MUC22: variants seen among roughly 807,000 people sequenced by gnomAD.
MUC22 encodes mucin 22, also known as mucin-22.
Under a neutral mutation model 40.3 loss-of-function variants are expected in MUC22, and 24 were observed. The ratio of observed to expected loss-of-function variants is 0.60; its 90% confidence interval spans 0.43 to 0.84. MUC22 has a LOEUF of 0.84. MUC22 is among the 40% of genes least tolerant of loss of function. The pLI is 0.00. For synonymous variants in MUC22, 765 were observed against 844.5 expected, an observed-to-expected ratio of 0.91 and a Z score of 1.63; for missense variants, 1,926 against 2,130.7, an observed-to-expected ratio of 0.90 and a Z score of 1.89.
intron 1 of MUC22, among the ~76,000 whole-genome samples, chr6:31,022,313 C>T (rs1179014764): frequency 6.6e-6 from 1 of 152,102 alleles, no homozygotes; most frequent in Non-Finnish European, 1.5e-5. Flanking sequence ...ATGTAATTAG[C>T]CACACCATGC....
At chr6:31,027,611 C>G (rs1255272357) in exon 2 of MUC22, 20 of 1,527,074 alleles carry the variant, frequency 1.3e-5, no homozygotes, top group Non-Finnish European at 1.6e-5. Context: ...GAGACCAAAA[C>G]AGCCTATACT....
At position 31,026,819 on chromosome 6, in the gene MUC22, G is replaced by A; in HGVS notation, c.1388G>A (p.Gly463Asp). Residue 463 changes from glycine (G) to aspartate (D), a missense_variant, in exon 2 of 4, where the codon GGC (glycine) becomes GAC (aspartate). Around this residue, in one of 3 missense-constraint regions of MUC22, gnomAD observed 1,281 missense variants for 1,337.8 expected, o/e 0.96. Transcript: ENST00000561890. ...GAGACCACTACAGTCTCCACCACAG[G>A]CTCTGAGACCACAACAGCCTCTACT... The A allele has an allele frequency of 2.0e-6, 3 of 1,497,048 alleles. No homozygotes were observed. The highest frequency in any genetic ancestry group is 2.7e-6 in the Non-Finnish European group (3 of 1,119,768). 92.7% of individuals were successfully genotyped at this position (1,497,048 alleles called of 1,614,324 possible).
intron 1 of MUC22, among the ~76,000 whole-genome samples, chr6:31,022,648 C>T (rs1413195964): frequency 3.3e-5 from 5 of 151,888 alleles, no homozygotes; most frequent in African/African-American, 4.8e-5. Flanking sequence ...TGTATGACAA[C>T]AGTGGTACAA....
At chr6:31,020,441 C>CTTT (rs3084519) in intron 1 of MUC22, among the ~76,000 whole-genome samples, 18,027 of 126,396 alleles carry the variant, frequency 0.14, 1,728 homozygotes, top group African/African-American at 0.18. Context: ...TGGAAATTGA[C>CTTT]TTTTTTTTTT....
chr6:31,015,013 T>C (rs1764095130), intron 1 of MUC22, among the ~76,000 whole-genome samples: 1 of 152,148 alleles, frequency 6.6e-6, no homozygotes, highest in Non-Finnish European at 1.5e-5. Flanking sequence ...ATTGGGTTTC[T>C]GTGGGAAAGG....
At chr6:31,029,314 A>T (rs1562617066) in exon 2 of MUC22, 12 of 1,527,986 alleles carry the variant, frequency 7.9e-6, no homozygotes, top group Non-Finnish European at 1.1e-5. Context: ...AGGTTCTGAG[A>T]CCACAGCAGT....
At chr6:31,030,317 A>G (rs920220073) in intron 2 of MUC22, among the ~76,000 whole-genome samples, 1 of 152,170 alleles carries the variant, frequency 6.6e-6, no homozygotes, top group Non-Finnish European at 1.5e-5. Flanking sequence ...GGAGATTGAG[A>G]CCATCCTGGC....
intron 1 of MUC22, among the ~76,000 whole-genome samples, chr6:31,012,668 G>A (rs1434597758): frequency 2.0e-5 from 3 of 152,122 alleles, no homozygotes; most frequent in Non-Finnish European, 4.4e-5. Flanking sequence ...AAGTGTGCAA[G>A]GGCTGAAAGG....
chr6:31,031,544 G>A (rs575445887), intron 2 of MUC22, among the ~76,000 whole-genome samples: 6 of 152,206 alleles, frequency 3.9e-5, no homozygotes, highest in African/African-American at 7.2e-5. Flanking sequence ...AAGTTATTGG[G>A]ATGCAGGTGG....
At chr6:31,033,742 C>T (rs11964623) in intron 3 of MUC22, among the ~76,000 whole-genome samples, 39,638 of 152,070 alleles carry the variant, frequency 0.26, 5,451 homozygotes, top group African/African-American at 0.34. Context: ...TACACCACAG[C>T]AATTGTCAAA....
chr6:31,015,184 A>G (rs1764107383), intron 1 of MUC22, among the ~76,000 whole-genome samples: 1 of 152,054 alleles, frequency 6.6e-6, no homozygotes, highest in African/African-American at 2.4e-5. Context: ...CAGATAGAGG[A>G]GCTATGGCTC....
chr6:31,017,017 A>G (rs557834093), intron 1 of MUC22, among the ~76,000 whole-genome samples: 2 of 152,122 alleles, frequency 1.3e-5, no homozygotes, highest in African/African-American at 4.8e-5. Context: ...TTCTCGCCGG[A>G]CCTCAGCTGC....
At chr6:31,026,842 A>G (rs2150787700) in exon 2 of MUC22, 1 of 1,491,358 alleles carries the variant, frequency 6.7e-7, no homozygotes. Flanking sequence ...AACAGCCTCT[A>G]CTGCACATTC....
intron 1 of MUC22, among the ~76,000 whole-genome samples, chr6:31,014,641 C>T (rs548417029): frequency 3.3e-5 from 5 of 152,054 alleles, no homozygotes; most frequent in Non-Finnish European, 5.9e-5. Flanking sequence ...AAGGAGATCC[C>T]GAAAGTGGCT....
rs1204875825 is a variant in MUC22 at position 31,011,353 on chromosome 6, C to T, written c.70+577C>T. ...CTTTTATCTCTCGTGCCTCCCCCGTCCTTCCTCCCTAGTGCCCAAAGTCCA... is the reference window on the plus strand; with the variant it reads ...CTTTTATCTCTCGTGCCTCCCCCGTTCTTCCTCCCTAGTGCCCAAAGTCCA... On this transcript the variant is annotated intron_variant, in intron 1 of 3. Transcript: ENST00000561890. The surrounding 1 kb of genome is among the most constrained non-coding windows in gnomAD (Gnocchi z 4.5). Among the ~76,000 whole-genome samples the T allele has an allele frequency of 6.6e-6, 1 of 152,174 alleles. No homozygotes were observed. The highest frequency in any genetic ancestry group is 2.4e-5 in the African/African-American group (1 of 41,436).
chr6:31,034,847 G>A (rs1269119703), exon 4 of MUC22: 3 of 1,535,506 alleles, frequency 2.0e-6, no homozygotes, highest in East Asian at 4.9e-5. Context: ...CACGGCTTTG[G>A]ATATGGAGTG....
chr6:31,020,801 G>GC (rs9281104), intron 1 of MUC22, among the ~76,000 whole-genome samples: 22,073 of 152,162 alleles, frequency 0.15, 1,758 homozygotes, highest in African/African-American at 0.19. Flanking sequence ...GGGCTTGGCG[G>GC]CCCCGCACTC....
exon 1 of MUC22, chr6:31,010,518 G>A: frequency 1.8e-6 from 1 of 558,424 alleles, no homozygotes; most frequent in South Asian, 2.7e-5. Context: ...GCAATTTGGG[G>A]GCTCCCCCCA....
intron 1 of MUC22, among the ~76,000 whole-genome samples, chr6:31,014,949 G>A (rs1032358515): frequency 4.6e-5 from 7 of 152,070 alleles, no homozygotes; most frequent in Admixed American, 1.3e-4. Context: ...AAGACATCAA[G>A]GTAGTCAGGA....
Sources: gnomAD v4.1 joint callset for allele counts (sites outside exome capture counted in the v4.1 genomes callset) on GRCh38, gnomAD v4.1.1 for gene constraint, gnomAD v4.1.1 regional missense constraint, Gnocchi (gnomAD v3.1) non-coding constraint, MANE v1.5 for transcripts, NCBI Gene and HGNC (gene_info 2026-07-23, HGNC 2026-07-21) for gene names.